ZNF248: variants seen among roughly 807,000 people sequenced by gnomAD.
ZNF248 encodes KRAB protein domain.
ZNF248 carries 20 observed loss-of-function variants against 44.3 expected under a neutral mutation model. The ratio of observed to expected loss-of-function variants is 0.45; its 90% CI spans 0.32 to 0.66. The LOEUF (loss-of-function observed/expected upper bound fraction) is 0.66. Ranked by LOEUF, ZNF248 falls within the 30% of genes least tolerant of loss-of-function variation. The pLI, the probability that ZNF248 is intolerant of heterozygous loss-of-function variation, is 0.04. For synonymous variants in ZNF248, 224 were observed against 229.0 expected (o/e 0.98, Z 0.20); for missense variants, 654 against 677.0 (o/e 0.97, Z 0.38).
At chr10:37,761,174 A>C in the ZNF248 span, among the ~76,000 whole-genome samples, 1 of 152,208 alleles carries the variant, frequency 6.6e-6, no homozygotes, top group Non-Finnish European at 1.5e-5. Flanking sequence ...TCCTACTACA[A>C]AAACCCACAG....
intron 6 of ZNF248, among the ~76,000 whole-genome samples, chr10:37,782,807 C>T (rs2047464847): frequency 1.3e-5 from 2 of 152,084 alleles, no homozygotes; most frequent in South Asian, 2.1e-4. Flanking sequence ...GAGGATTCTC[C>T]CCAGCAGGCT....
intron 6 of ZNF248, among the ~76,000 whole-genome samples, chr10:37,815,869 A>C (rs1186664924): frequency 6.6e-6 from 1 of 152,024 alleles, no homozygotes; most frequent in Non-Finnish European, 1.5e-5. Flanking sequence ...TGTAAACTTA[A>C]GCTCTTCTGA....
At chr10:37,786,849 C>T (rs536946347) in intron 6 of ZNF248, among the ~76,000 whole-genome samples, 1 of 152,232 alleles carries the variant, frequency 6.6e-6, no homozygotes, top group East Asian at 1.9e-4. Context: ...TGATAATGCA[C>T]AAAAGTTTTA....
chr10:37,820,726 G>A, intron 6 of ZNF248: 1 of 1,321,512 alleles, frequency 7.6e-7, no homozygotes, highest in Non-Finnish European at 1.1e-6. Context: ...ATCCCATGCT[G>A]CACAAGCTCT....
chr10:37,856,366 G>C (rs1031595639), intron 2 of ZNF248, 29 bp from the exon 3 acceptor site: 6 of 1,611,492 alleles, frequency 3.7e-6, no homozygotes, highest in Non-Finnish European at 5.1e-6. Flanking sequence ...AGAATGTCAG[G>C]AGAGCCTTCG....
intron 6 of ZNF248, among the ~76,000 whole-genome samples, chr10:37,779,623 C>G (rs532290007): frequency 2.2e-4 from 33 of 152,064 alleles, no homozygotes; most frequent in African/African-American, 7.7e-4. Context: ...GATGCCCTCT[C>G]TCACCACTCC....
chr10:37,843,306 T>G (rs2058682461), intron 3 of ZNF248, among the ~76,000 whole-genome samples: 1 of 151,438 alleles, frequency 6.6e-6, no homozygotes, highest in Non-Finnish European at 1.5e-5. Flanking sequence ...ATGCCTGTAG[T>G]CCCAGTTGCA....
intron 6 of ZNF248, among the ~76,000 whole-genome samples, chr10:37,808,853 G>A (rs1364544472): frequency 1.3e-5 from 2 of 151,078 alleles, no homozygotes; most frequent in African/African-American, 2.4e-5. Flanking sequence ...ATCACGTCTG[G>A]GGCATTTCTT....
intron 3 of ZNF248, among the ~76,000 whole-genome samples, chr10:37,838,413 A>G (rs1157395356): frequency 3.9e-5 from 6 of 152,242 alleles, no homozygotes; most frequent in Admixed American, 1.3e-4. Context: ...AACTGCAGGA[A>G]CTAGCAGTGT....
intron 6 of ZNF248, among the ~76,000 whole-genome samples, chr10:37,823,545 C>T (rs750572185): frequency 1.3e-5 from 2 of 151,786 alleles, no homozygotes; most frequent in Admixed American, 6.6e-5. Context: ...CAGACTAAAG[C>T]TTGACTAGAG....
At position 37,830,434 on chromosome 10, in the gene ZNF248, G is replaced by A. The variant is rs1050288079; in HGVS notation, c.*1181C>T. The A allele has an allele frequency of 1.5e-5, 15 of 985,166 alleles. No homozygotes were observed. Among genetic ancestry groups the A allele is most frequent in the Non-Finnish European group, 1.7e-5 (14 of 829,930 alleles). 61.0% of individuals were successfully genotyped at this position (985,166 alleles called of 1,614,324 possible). A position where few individuals can be genotyped will look rare whatever the true frequency, so the allele number is the denominator to read the frequency against. Reference sequence around the variant, plus strand: ...ACATATACTGGCCAACCTACAAAGAGACTCCGGTAGTATTTAGAGTAGGAC... The same window carrying A: ...ACATATACTGGCCAACCTACAAAGAAACTCCGGTAGTATTTAGAGTAGGAC... On this transcript the variant is annotated 3_prime_UTR_variant, in exon 6 of 6. Transcript: ENST00000395867.
chr10:37,839,719 A>T lies in ZNF248; in HGVS notation c.16-1608T>A, dbSNP rs967341755. ...GTAAAAGGAGAACTTGGAAATATAC[A>T]CCATAATTGGAGACTTAACACCCCT... On this transcript the variant is annotated intron_variant, in intron 3 of 5. Coordinates refer to ENST00000395867, the MANE Select transcript of ZNF248 (RefSeq NM_021045.3). Among the ~76,000 whole-genome samples the T allele has an allele frequency of 8.5e-5, 13 of 152,170 alleles. 1 individual carries two copies. Among genetic ancestry groups the T allele is most frequent in the Admixed American group, 8.5e-4 (13 of 15,278 alleles).
At chr10:37,780,644 C>G (rs2132875520) in intron 6 of ZNF248, among the ~76,000 whole-genome samples, 1 of 152,330 alleles carries the variant, frequency 6.6e-6, no homozygotes, top group South Asian at 2.1e-4. Flanking sequence ...CCCAGCTCAG[C>G]CTGGAAGCAA....
Position 37,777,864 on chromosome 10 carries a change from C to T in ZNF248, c.331-1289G>A, listed in dbSNP as rs543172661. On this transcript the variant is annotated intron_variant, in intron 6 of 6. Coordinates refer to the ZNF248 transcript ENST00000615949. ...TCCATTTCCCTACAAAGGACATGAACTCATCCTTTTTTATGGCTGCATAGT... is the reference window on the plus strand; with the variant it reads ...TCCATTTCCCTACAAAGGACATGAATTCATCCTTTTTTATGGCTGCATAGT... Among the ~76,000 whole-genome samples the T allele has an allele frequency of 4.7e-4, 71 of 152,194 alleles. 1 individual carries two copies. The East Asian group carries it at 0.013, about 29-fold the overall frequency.
the ZNF248 span, among the ~76,000 whole-genome samples, chr10:37,768,869 T>C: frequency 1.3e-5 from 2 of 151,808 alleles, no homozygotes; most frequent in South Asian, 4.2e-4. Context: ...ATAGATAGAC[T>C]GCTAGCAAGA....
Position 37,785,427 on chromosome 10 carries a change from C to G in ZNF248, c.331-8852G>C, listed in dbSNP as rs1162206999. On this transcript the variant is annotated intron_variant, in intron 6 of 6. Coordinates refer to the ZNF248 transcript ENST00000615949. Reference sequence around the variant, plus strand: ...AATCATAAAACAGGCAGGGAAACAACAGTTTATTGTGCAACAAAAATGGTG... The same window carrying G: ...AATCATAAAACAGGCAGGGAAACAAGAGTTTATTGTGCAACAAAAATGGTG... 2.0e-5 allele frequency among the ~76,000 whole-genome samples: 3 copies of G among 152,170 alleles called. 1 individual carries two copies. The highest frequency in any genetic ancestry group is 3.9e-4 in the East Asian group (2 of 5,194).
chr10:37,802,995 CT>C (rs148435366), intron 6 of ZNF248: 9,116 of 151,232 alleles, frequency 0.06, 351 homozygotes, highest in Middle Eastern at 0.095. Context: ...CAGCCAGATA[CT>C]TTTTTTTTGT....
In ZNF248 at chr10:37,830,773, T is replaced by C. The variant is rs1015831525; in HGVS notation, c.*842A>G. 4.7e-6 allele frequency: 1 copy of C among 213,458 alleles called. No individual in the cohort carries two copies. The highest frequency in any genetic ancestry group is 8.1e-6 in the Non-Finnish European group (1 of 122,892). The allele number at this position is 213,458 out of a possible 1,614,324, so 13.2% of individuals were successfully genotyped here. ...AGAGACAGATGTGCAGTGCACACTA[T>C]TATACAGTATTTTCATCATACAGAT... On this transcript the variant is annotated 3_prime_UTR_variant, in exon 6 of 6. Coordinates refer to ENST00000395867, the MANE Select transcript of ZNF248 (RefSeq NM_021045.3).
At chr10:37,800,277 C>A (rs552146170) in intron 6 of ZNF248, among the ~76,000 whole-genome samples, 1 of 152,254 alleles carries the variant, frequency 6.6e-6, no homozygotes, top group South Asian at 2.1e-4. Flanking sequence ...TTATCCTCTA[C>A]CCTCAAACAG....
Sources: allele counts gnomAD v4.1 joint callset (sites outside exome capture counted in the v4.1 genomes callset), GRCh38; gene constraint gnomAD v4.1.1; transcripts MANE v1.5; gene names NCBI Gene and HGNC (gene_info 2026-07-23, HGNC 2026-07-21).